The following B3GALT1 variants were observed in gnomAD, a reference collection of about 807,000 sequenced individuals.
B3GALT1 encodes beta-1,3-galactosyltransferase 1.
B3GALT1 carries 10 observed loss-of-function variants against 23.2 expected under a neutral mutation model. The observed-to-expected ratio is 0.43, with a 90% CI of 0.27 to 0.73. The LOEUF (loss-of-function observed/expected upper bound fraction) is 0.73. Among genes scored for constraint, B3GALT1 ranks in the 30% least tolerant of loss-of-function variants. The pLI is 0.21. For synonymous variants in B3GALT1, 156 were observed against 141.5 expected, an observed-to-expected ratio of 1.10 and a Z score of -0.73; for missense variants, 299 against 405.4, an observed-to-expected ratio of 0.74 and a Z score of 2.25.
chr2:167,583,281 A>G (rs1199011305), intron 2 of B3GALT1, among the ~76,000 whole-genome samples: 1 of 151,868 alleles, frequency 6.6e-6, no homozygotes, highest in Non-Finnish European at 1.5e-5. Flanking sequence ...TTATTGCCCT[A>G]TGTCATTTCC....
intron 4 of B3GALT1, among the ~76,000 whole-genome samples, chr2:167,857,065 A>T (rs542558544): frequency 2.6e-5 from 4 of 152,154 alleles, no homozygotes; most frequent in Non-Finnish European, 4.4e-5. Flanking sequence ...AAGAGTTTTT[A>T]TGGTTTTATA....
intron 3 of B3GALT1, among the ~76,000 whole-genome samples, chr2:167,662,678 C>T (rs536759868): frequency 6.6e-6 from 1 of 152,150 alleles, no homozygotes; most frequent in South Asian, 2.1e-4. Flanking sequence ...CCTTCAATGG[C>T]TCCCCATATG....
chr2:167,731,079 G>A (rs991147850), intron 3 of B3GALT1, among the ~76,000 whole-genome samples: 2 of 152,108 alleles, frequency 1.3e-5, no homozygotes, highest in African/African-American at 2.4e-5. Context: ...TGGCTCCAGC[G>A]AGCATACTCC....
intron 2 of B3GALT1, among the ~76,000 whole-genome samples, chr2:167,641,647 C>A (rs182400531): frequency 1.5e-4 from 23 of 152,218 alleles, no homozygotes; most frequent in Non-Finnish European, 2.9e-4. Context: ...CTTCTTAAAG[C>A]GCTGTCTTTT....
intron 3 of B3GALT1, among the ~76,000 whole-genome samples, chr2:167,766,880 G>GC (rs1687985908): frequency 6.6e-6 from 1 of 152,048 alleles, no homozygotes; most frequent in Non-Finnish European, 1.5e-5. Context: ...CTTAAGCATC[G>GC]CCCCAAAAAC....
At chr2:167,453,320 C>T (rs1442891394) in intron 1 of B3GALT1, among the ~76,000 whole-genome samples, 3 of 152,142 alleles carry the variant, frequency 2.0e-5, no homozygotes, top group Admixed American at 6.5e-5. Flanking sequence ...GCAGGTAATC[C>T]CACCTCTGTT....
At chr2:167,425,666 T>C (rs774609202) in intron 1 of B3GALT1, among the ~76,000 whole-genome samples, 2 of 152,238 alleles carry the variant, frequency 1.3e-5, no homozygotes, top group Admixed American at 6.5e-5. Context: ...TTTTATTTGA[T>C]ATTCAGTGCC....
intron 1 of B3GALT1, among the ~76,000 whole-genome samples, chr2:167,455,214 T>C (rs77893022): frequency 0.017 from 2,651 of 152,324 alleles, 83 homozygotes; most frequent in African/African-American, 0.061. Flanking sequence ...TTGGACTTTA[T>C]GGAATGATGA....
chr2:167,818,900 C>T (rs1689050237), intron 4 of B3GALT1, among the ~76,000 whole-genome samples, 107 bp downstream of exon 4: 2 of 152,292 alleles, frequency 1.3e-5, no homozygotes, highest in Non-Finnish European at 2.9e-5. Flanking sequence ...CGTCTAAGGA[C>T]TAATGAGCAG....
intron 1 of B3GALT1, among the ~76,000 whole-genome samples, chr2:167,451,864 T>TG (rs1699097621): frequency 6.6e-6 from 1 of 152,162 alleles, no homozygotes; most frequent in Non-Finnish European, 1.5e-5. Context: ...TTGCCGTGGC[T>TG]GCTGTGGAGG....
chr2:167,681,180 A>G (rs149051256), intron 3 of B3GALT1, among the ~76,000 whole-genome samples: 33 of 152,332 alleles, frequency 2.2e-4, no homozygotes, highest in Non-Finnish European at 4.4e-4. Flanking sequence ...AGAGGGCCAC[A>G]TGATATAGAA....
chr2:167,853,802 G>C (rs1434289920), intron 4 of B3GALT1, among the ~76,000 whole-genome samples: 5 of 152,032 alleles, frequency 3.3e-5, no homozygotes, highest in Non-Finnish European at 7.4e-5. Context: ...TACATTTATG[G>C]TGGCCTACTT....
chr2:167,511,789 A>C (rs1177503985), intron 2 of B3GALT1, among the ~76,000 whole-genome samples: 1 of 152,176 alleles, frequency 6.6e-6, no homozygotes, highest in Non-Finnish European at 1.5e-5. Context: ...ATGTCATCTA[A>C]ATAGAAGATG....
intron 2 of B3GALT1, among the ~76,000 whole-genome samples, chr2:167,620,226 G>C (rs543650332): frequency 3.3e-5 from 5 of 152,058 alleles, no homozygotes; most frequent in Non-Finnish European, 5.9e-5. Context: ...ACTGCAGGTA[G>C]GGAAAACTTG....
chr2:167,498,374 G>A (rs1559114291), intron 2 of B3GALT1, among the ~76,000 whole-genome samples: 3 of 151,954 alleles, frequency 2.0e-5, no homozygotes, highest in East Asian at 1.9e-4. Flanking sequence ...TTTTAAGTTC[G>A]TAAGAATTAA....
chr2:167,472,384 G>C (rs1020012647), intron 1 of B3GALT1, among the ~76,000 whole-genome samples: 1 of 152,070 alleles, frequency 6.6e-6, no homozygotes, highest in African/African-American at 2.4e-5. Flanking sequence ...AAGTGTATTA[G>C]ACCTTTCCAA....
chr2:167,698,266 G>A (rs2105507322), intron 3 of B3GALT1, among the ~76,000 whole-genome samples: 1 of 152,210 alleles, frequency 6.6e-6, no homozygotes, highest in Non-Finnish European at 1.5e-5. Flanking sequence ...TTTTATTTAT[G>A]GCTCATTAAG....
chr2:167,357,770 A>G (rs752768521), intron 1 of B3GALT1, among the ~76,000 whole-genome samples: 2 of 152,214 alleles, frequency 1.3e-5, no homozygotes, highest in Non-Finnish European at 2.9e-5. Flanking sequence ...ACCTATTTCA[A>G]CATTTCTTTA....
intron 2 of B3GALT1, among the ~76,000 whole-genome samples, chr2:167,519,402 G>T (rs1337410091): frequency 7.5e-6 from 1 of 133,710 alleles, no homozygotes; most frequent in Non-Finnish European, 1.6e-5. Flanking sequence ...CATTTACTAA[G>T]ATAAACAATT....
Sources: gnomAD v4.1 joint callset for allele counts (sites outside exome capture counted in the v4.1 genomes callset) on GRCh38, gnomAD v4.1.1 for gene constraint, MANE v1.5 for transcripts, NCBI Gene and HGNC (gene_info 2026-07-23, HGNC 2026-07-21) for gene names.